TRPM6: variants seen among roughly 807,000 people sequenced by gnomAD.
TRPM6 encodes transient receptor potential cation channel subfamily M member 6.
A neutral mutation model predicts 247.6 loss-of-function variants in TRPM6; 111 were observed. The ratio of observed to expected loss-of-function variants is 0.45; its 90% CI spans 0.38 to 0.52. The LOEUF is 0.52. Among genes scored for constraint, TRPM6 ranks in the 20% least tolerant of loss-of-function variants. TRPM6 has a pLI of 0.00. For synonymous variants in TRPM6, 892 were observed against 853.8 expected, an observed-to-expected ratio of 1.04 and a Z score of -0.78; for missense variants, 2,126 against 2,421.5, an observed-to-expected ratio of 0.88 and a Z score of 2.56.
At position 74,771,765 on chromosome 9, in the gene TRPM6, G is replaced by T; in HGVS notation, c.3474C>A (p.Phe1158Leu). 6.2e-7 allele frequency: 1 copy of T among 1,613,674 alleles called. No homozygotes were observed. The highest frequency in any genetic ancestry group is 8.5e-7 in the Non-Finnish European group (1 of 1,179,690). Residue 1158 changes from phenylalanine to leucine, a missense_variant, in exon 25 of 39, where the codon TTC (phenylalanine) becomes TTA (leucine). This residue lies in a region of TRPM6 where 717 missense variants were observed against 715.9 expected (regional missense o/e 1.00). Transcript: ENST00000360774. ...AATTCACATCTTCCATCTTCTCATGGAAGTATTTTTCCACGCACTGCTCCT... is the reference window on the plus strand; with the variant it reads ...AATTCACATCTTCCATCTTCTCATGTAAGTATTTTTCCACGCACTGCTCCT... Reference protein sequence around the residue: ...DFEEQCVEKYFHEKMEDVNCS... With the variant: ...DFEEQCVEKYLHEKMEDVNCS...
intron 33 of TRPM6, among the ~76,000 whole-genome samples, chr9:74,742,038 CCAGA>C (rs1825882967): frequency 6.6e-6 from 1 of 152,168 alleles, no homozygotes; most frequent in South Asian, 2.1e-4. Flanking sequence ...TCTTATCCTG[CCAGA>C]CAGAGAAATT....
At chr9:74,794,277 A>G (rs1828012073) in intron 18 of TRPM6, among the ~76,000 whole-genome samples, 1 of 152,228 alleles carries the variant, frequency 6.6e-6, no homozygotes, top group Non-Finnish European at 1.5e-5. Context: ...TATCTCTTTA[A>G]TGTCAGACCT....
chr9:74,847,348 C>T (rs550571589), intron 3 of TRPM6, among the ~76,000 whole-genome samples: 2 of 152,122 alleles, frequency 1.3e-5, no homozygotes, highest in East Asian at 1.9e-4. Flanking sequence ...TTACAGGCAA[C>T]GACTATCACG....
intron 21 of TRPM6, among the ~76,000 whole-genome samples, chr9:74,785,181 AGAAGCCAGGCGTGATGGTGCAT>A (rs1434914303): frequency 6.6e-6 from 1 of 152,214 alleles, no homozygotes; most frequent in Non-Finnish European, 1.5e-5. Flanking sequence ...ACCATTAAAA[AGAAGCCAGGCGTGATGGTGCAT>A]GCCTATAGTC....
intron 9 of TRPM6, among the ~76,000 whole-genome samples, chr9:74,819,918 C>T (rs1052497790): frequency 9.2e-5 from 14 of 152,096 alleles, no homozygotes; most frequent in Admixed American, 5.9e-4. Flanking sequence ...GTTTACTCAA[C>T]GAAGAATCAA....
At chr9:74,827,598 T>C (rs1829383552) in intron 7 of TRPM6, 180 bp downstream of exon 7, 1 of 713,598 alleles carries the variant, frequency 1.4e-6, no homozygotes. Context: ...GTCATTTGGA[T>C]TGGATACATG....
At chr9:74,812,530 T>C in intron 11 of TRPM6, 97 bp from the exon 12 acceptor site, 1 of 1,143,298 alleles carries the variant, frequency 8.7e-7, no homozygotes. Flanking sequence ...ACAAACACAA[T>C]AATTTTAAAA....
At chr9:74,863,327 G>A (rs747090260) in intron 1 of TRPM6, among the ~76,000 whole-genome samples, 3 of 151,952 alleles carry the variant, frequency 2.0e-5, no homozygotes, top group African/African-American at 7.2e-5. Flanking sequence ...GATTACAGGC[G>A]TGAGCCACTG....
At chr9:74,804,675 A>G (rs1828471048) in intron 14 of TRPM6, 3 of 761,840 alleles carry the variant, frequency 3.9e-6, no homozygotes, top group Non-Finnish European at 7.1e-6. Context: ...GCAGTTCCCT[A>G]CTGAAGACTG....
intron 1 of TRPM6, among the ~76,000 whole-genome samples, chr9:74,866,397 G>A (rs1045644069): frequency 1.3e-5 from 2 of 152,298 alleles, no homozygotes; most frequent in Middle Eastern, 3.4e-3. Context: ...ATAAGACAGA[G>A]AGAAAAACAG....
At position 74,786,001 on chromosome 9, in the gene TRPM6, T is replaced by C; in HGVS notation, c.2792A>G (p.Asp931Gly). Reference sequence around the variant, plus strand: ...TCTTCCCGCTGTGTGAAAAGGAGGGTCACCCCATCGAAGGACGAAGCCAGC... The same window carrying C: ...TCTTCCCGCTGTGTGAAAAGGAGGGCCACCCCATCGAAGGACGAAGCCAGC... ...FSAGFVLRWG[D>G]PPFHTAGRLI... is the part of the protein sequence containing the mutation. The change falls in exon 21 of 39, where the codon GAC becomes GGC. Residue 931 changes from aspartate to glycine, a missense_variant. Around this residue, in one of 3 missense-constraint regions of TRPM6, gnomAD observed 1,082 missense variants for 1,307.9 expected, o/e 0.83. Transcript: ENST00000360774. 3 of 1,614,038 alleles carry C rather than the reference T, an allele frequency of 1.9e-6. No individual in the cohort carries two copies. The South Asian group carries it at 3.3e-5, about 18-fold the overall frequency.
In TRPM6 at chr9:74,821,758, G is replaced by T; in HGVS notation, c.921C>A (p.Val307=). 1 of 1,614,144 alleles carries T rather than the reference G, an allele frequency of 6.2e-7. No homozygotes were observed. The highest frequency in any genetic ancestry group is 2.2e-5 in the East Asian group (1 of 44,886). The change falls in exon 8 of 39, where the codon GTC becomes GTA. Residue 307 remains valine (V), a synonymous_variant. Transcript: ENST00000360774. ...PNVILSVWET[V]KDKDPVVVCE... ...ACACCACCACTGGGTCCTTGTCCTTGACAGTCTCCCACACTGACAGGATGA... is the reference window on the plus strand; with the variant it reads ...ACACCACCACTGGGTCCTTGTCCTTTACAGTCTCCCACACTGACAGGATGA...
At chr9:74,830,819 A>ACTC (rs1829521133) in intron 6 of TRPM6, among the ~76,000 whole-genome samples, 1 of 119,220 alleles carries the variant, frequency 8.4e-6, no homozygotes, top group South Asian at 2.6e-4. Context: ...CTAGTCTCAA[A>ACTC]CTCGTGAGCT....
chr9:74,786,184 A>G, intron 20 of TRPM6, 59 bp from the exon 21 acceptor site: 1 of 1,584,346 alleles, frequency 6.3e-7, no homozygotes, highest in Non-Finnish European at 8.7e-7. Flanking sequence ...TCCCATCAAT[A>G]TGATCTTCTT....
intron 27 of TRPM6, among the ~76,000 whole-genome samples, chr9:74,761,358 C>T (rs917102849): frequency 1.2e-4 from 19 of 152,266 alleles, no homozygotes; most frequent in African/African-American, 4.6e-4. Context: ...GAAAACAACC[C>T]AAATGTCCTT....
rs149037105 is a variant in TRPM6 at position 74,736,560 on chromosome 9, T to C, written c.5776+1847A>G. On this transcript the variant is annotated intron_variant, in intron 36 of 38. Coordinates refer to ENST00000360774, the MANE Select transcript of TRPM6 (RefSeq NM_017662.5). ...CGTAGTAAATGTTAGCTAGTAGTAG[T>C]GGTGTAACTGTTCATAATTACTATT... 3.3e-3 allele frequency among the ~76,000 whole-genome samples: 501 copies of C among 152,354 alleles called. 4 individuals carry two copies. Among genetic ancestry groups the C allele is most frequent in the African/African-American group, 0.011 (458 of 41,578 alleles).
intron 30 of TRPM6, among the ~76,000 whole-genome samples, chr9:74,748,469 T>C (rs889043835): frequency 6.6e-6 from 1 of 152,154 alleles, no homozygotes; most frequent in Non-Finnish European, 1.5e-5. Context: ...CAGCTCCATG[T>C]GTGTTATTGC....
At position 74,757,184 on chromosome 9, in the gene TRPM6, C is replaced by A. The variant is rs1359730883; in HGVS notation, c.4786-1711G>T. On this transcript the variant is annotated intron_variant, in intron 27 of 38. Coordinates refer to ENST00000360774, the MANE Select transcript of TRPM6 (RefSeq NM_017662.5). Reference sequence around the variant, plus strand: ...CAGAGAAAGACTTTGTCTAAAAAAACAAACTAACTAACAAAAAAAAACCTA... The same window carrying A: ...CAGAGAAAGACTTTGTCTAAAAAAAAAAACTAACTAACAAAAAAAAACCTA... Among the ~76,000 whole-genome samples the A allele has an allele frequency of 2.0e-5, 3 of 149,828 alleles. No individual in the cohort carries two copies. In the East Asian group the frequency reaches 6.0e-4, roughly 30 times the overall value.
In TRPM6 at chr9:74,749,550, A is replaced by G. The variant is rs143909742; in HGVS notation, c.5057+1114T>C. 1.6e-4 allele frequency among the ~76,000 whole-genome samples: 25 copies of G among 152,342 alleles called. No individual in the cohort carries two copies. In the South Asian group the frequency reaches 1.7e-3, roughly 10 times the overall value. On this transcript the variant is annotated intron_variant, in intron 30 of 38. Coordinates refer to ENST00000360774, the MANE Select transcript of TRPM6 (RefSeq NM_017662.5). ...GTGAATGTCTCTGGACAAGCCTACAAATCAGTTTCATTAGCCCACGTGGCT... is the reference window on the plus strand; with the variant it reads ...GTGAATGTCTCTGGACAAGCCTACAGATCAGTTTCATTAGCCCACGTGGCT...
Sources: gnomAD v4.1 joint callset for allele counts (sites outside exome capture counted in the v4.1 genomes callset) on GRCh38, gnomAD v4.1.1 for gene constraint, gnomAD v4.1.1 regional missense constraint, MANE v1.5 for transcripts, NCBI Gene and HGNC (gene_info 2026-07-23, HGNC 2026-07-21) for gene names.